TP63: variants seen among roughly 807,000 people sequenced by gnomAD.
TP63 encodes tumor protein p63.
In TP63, 17 loss-of-function variants were observed where a neutral mutation model predicts 82.8. The observed-to-expected ratio is 0.21, with a 90% CI of 0.14 to 0.31. TP63 has a LOEUF of 0.31. Among genes scored for constraint, TP63 ranks in the 10% least tolerant of loss-of-function variants. The pLI, the probability that TP63 is intolerant of heterozygous loss-of-function variation, is 1.00. For missense variants in TP63, 648 were observed against 895.3 expected (o/e 0.72, Z 3.52); for synonymous variants, 330 against 321.7 (o/e 1.03, Z -0.28).
At chr3:189,749,975 T>A (rs968262376) in intron 3 of TP63, among the ~76,000 whole-genome samples, 3 of 151,690 alleles carry the variant, frequency 2.0e-5, no homozygotes, top group African/African-American at 7.3e-5. Flanking sequence ...TACAAAAAAA[T>A]TAGCCAGGCA....
intron 4 of TP63, among the ~76,000 whole-genome samples, chr3:189,834,657 G>A (rs1712857215): frequency 6.6e-6 from 1 of 152,148 alleles, no homozygotes; most frequent in East Asian, 1.9e-4. Context: ...TCCCAAACTT[G>A]CAGGTCGCTT....
chr3:189,598,010 A>G, the TP63 span, among the ~76,000 whole-genome samples: 2 of 152,190 alleles, frequency 1.3e-5, no homozygotes, highest in Non-Finnish European at 2.9e-5. Flanking sequence ...TAAAATTTAC[A>G]AAAAGTCAGA....
At chr3:189,880,058 C>G in intron 10 of TP63, 1 of 1,613,598 alleles carries the variant, frequency 6.2e-7, no homozygotes, top group Non-Finnish European at 8.5e-7. Flanking sequence ...TGGTTCCTCT[C>G]TGCAGTCTCC....
At chr3:189,666,235 G>A (rs1714381008) in intron 1 of TP63, among the ~76,000 whole-genome samples, 2 of 151,968 alleles carry the variant, frequency 1.3e-5, no homozygotes, top group South Asian at 4.1e-4. Context: ...AACTCTAGTA[G>A]TTATAGAAAG....
At chr3:189,777,941 C>T (rs948454652) in intron 3 of TP63, among the ~76,000 whole-genome samples, 7 of 146,564 alleles carry the variant, frequency 4.8e-5, no homozygotes, top group East Asian at 2.0e-4. Context: ...CTGCAACTTC[C>T]GTCTTCCGGG....
chr3:189,651,810 G>A lies in TP63; in HGVS notation c.62+20233G>A, dbSNP rs376023392. On this transcript the variant is annotated intron_variant, in intron 1 of 13. Transcript: ENST00000264731. The stretch of plus-strand genomic sequence containing the variant: ...GCAGCCTCGGGACATGGTGCTCTGC[G>A]TCCCAGATGCTTCAGCTCCAGCTGT... 5.4e-5 allele frequency among the ~76,000 whole-genome samples: 8 copies of A among 146,912 alleles called. 1 individual carries two copies. The highest frequency in any genetic ancestry group is 1.5e-4 in the African/African-American group (6 of 39,224).
chr3:189,633,293 A>G (rs565647842), intron 1 of TP63, among the ~76,000 whole-genome samples: 3 of 151,994 alleles, frequency 2.0e-5, no homozygotes, highest in Non-Finnish European at 2.9e-5. Flanking sequence ...AACTTGTGTC[A>G]TGGGGGTTTG....
At chr3:189,606,339 T>C in the TP63 span, among the ~76,000 whole-genome samples, 1 of 151,910 alleles carries the variant, frequency 6.6e-6, no homozygotes, top group Non-Finnish European at 1.5e-5. Context: ...AAATCAACAG[T>C]TCATGGCTGG....
intron 1 of TP63, among the ~76,000 whole-genome samples, chr3:189,665,482 A>G (rs1714302724): frequency 6.6e-6 from 1 of 152,098 alleles, no homozygotes; most frequent in Non-Finnish European, 1.5e-5. Flanking sequence ...ATTAGAGTAT[A>G]TGTAGTTTGA....
chr3:189,665,236 T>C (rs1369640393), intron 1 of TP63, among the ~76,000 whole-genome samples: 1 of 152,144 alleles, frequency 6.6e-6, no homozygotes, highest in Non-Finnish European at 1.5e-5. Flanking sequence ...GGAGTATTTA[T>C]GCTGTAGAAA....
chr3:189,743,936 G>A (rs547674486), intron 3 of TP63, among the ~76,000 whole-genome samples: 29 of 152,248 alleles, frequency 1.9e-4, no homozygotes, highest in African/African-American at 7.0e-4. Context: ...ACTAACATAA[G>A]GAGCTGAAGA....
intron 7 of TP63, 29 bp from the exon 8 acceptor site, chr3:189,868,549 ACT>A (rs1488385586): frequency 6.2e-7 from 1 of 1,613,020 alleles, no homozygotes; most frequent in African/African-American, 1.3e-5. Context: ...TTTGAATTTA[ACT>A]CTTTCTTCCC....
intron 1 of TP63, among the ~76,000 whole-genome samples, chr3:189,684,264 C>A (rs1442527344): frequency 6.6e-6 from 1 of 152,168 alleles, no homozygotes; most frequent in Non-Finnish European, 1.5e-5. Flanking sequence ...ATACATTCTT[C>A]AAAACCTAGT....
intron 1 of TP63, among the ~76,000 whole-genome samples, chr3:189,719,107 G>C (rs1004041505): frequency 6.6e-6 from 1 of 152,004 alleles, no homozygotes; most frequent in South Asian, 2.1e-4. Flanking sequence ...AAAACTCACA[G>C]ATGCAGACAA....
intron 1 of TP63, among the ~76,000 whole-genome samples, chr3:189,650,029 CT>C (rs1292839692): frequency 6.8e-6 from 1 of 146,828 alleles, no homozygotes; most frequent in Non-Finnish European, 1.5e-5. Context: ...GTGCTATGTA[CT>C]AAGGTGGGGA....
chr3:189,699,777 T>G (rs1464778956), intron 1 of TP63, among the ~76,000 whole-genome samples: 2 of 152,194 alleles, frequency 1.3e-5, no homozygotes, highest in Non-Finnish European at 2.9e-5. Context: ...TTATAGATAA[T>G]TTAAATTTTT....
In TP63 at chr3:189,895,677, A is replaced by C. The variant is rs1721413550; in HGVS notation, c.*1175A>C. 4.4e-6 allele frequency: 1 copy of C among 228,218 alleles called. No individual in the cohort carries two copies. Among genetic ancestry groups the C allele is most frequent in the African/African-American group, 2.2e-5 (1 of 45,094 alleles). 14.1% of individuals were successfully genotyped at this position (228,218 alleles called of 1,614,324 possible). Reference sequence around the variant, plus strand: ...GTAAAAATCTTTTGAAGCATAGATAATATTGTTTGGTAAATGTTTCTTTTG... The same window carrying C: ...GTAAAAATCTTTTGAAGCATAGATACTATTGTTTGGTAAATGTTTCTTTTG... On this transcript the variant is annotated 3_prime_UTR_variant, in exon 14 of 14. Coordinates refer to ENST00000264731, the MANE Select transcript of TP63 (RefSeq NM_003722.5).
At chr3:189,821,078 C>T (rs1313324858) in intron 4 of TP63, among the ~76,000 whole-genome samples, 1 of 152,012 alleles carries the variant, frequency 6.6e-6, no homozygotes, top group African/African-American at 2.4e-5. Context: ...GAAGGAAGGT[C>T]TCATTAAATA....
intron 1 of TP63, among the ~76,000 whole-genome samples, chr3:189,678,527 G>T (rs77860700): frequency 6.6e-6 from 1 of 151,718 alleles, no homozygotes; most frequent in African/African-American, 2.4e-5. Flanking sequence ...TGAAATCTCC[G>T]GCTTTGTTCT....
Sources: gnomAD v4.1 joint callset for allele counts (sites outside exome capture counted in the v4.1 genomes callset) on GRCh38, gnomAD v4.1.1 for gene constraint, MANE v1.5 for transcripts, NCBI Gene and HGNC (gene_info 2026-07-23, HGNC 2026-07-21) for gene names.